Variants in ADAMTS12 observed in about 807,000 individuals in gnomAD.
ADAMTS12 encodes ADAM metallopeptidase with thrombospondin type 1 motif 12, also known as A disintegrin and metalloproteinase with thrombospondin motifs 12.
A neutral mutation model predicts 167.8 loss-of-function variants in ADAMTS12; 118 were observed. The observed-to-expected ratio is 0.70, with a 90% confidence interval of 0.61 to 0.82. The LOEUF (loss-of-function observed/expected upper bound fraction) is 0.82. Ranked by LOEUF, ADAMTS12 falls within the 40% of genes least tolerant of loss-of-function variation. ADAMTS12 has a pLI of 0.00. For missense variants in ADAMTS12, 1,916 were observed against 1,998.8 expected (o/e 0.96, Z 0.79); for synonymous variants, 704 against 716.9 (o/e 0.98, Z 0.29).
intron 12 of ADAMTS12, among the ~76,000 whole-genome samples, chr5:33,633,180 A>G (rs886816938): frequency 1.7e-5 from 1 of 60,548 alleles, no homozygotes; most frequent in Non-Finnish European, 4.6e-5. Flanking sequence ...TATAAGACAC[A>G]TATATTCCTT....
rs999618836 is a variant in ADAMTS12, at chr5:33,576,399, C to A, written c.3627G>T (p.Trp1209Cys). The change falls in exon 19 of 24, where the codon TGG becomes TGT. Residue 1209 changes from tryptophan to cysteine, a missense_variant. Transcript: ENST00000504830. ...PLTPDLSRES[W>C]WPPFSTVMEG... ...CCATTACTGTGCTGAAGGGTGGCCA[C>A]CAGGACTCCCTGCTGAGATCTGGTG... 6.2e-7 allele frequency: 1 copy of A among 1,613,868 alleles called. No homozygotes were observed. The highest frequency in any genetic ancestry group is 8.5e-7 in the Non-Finnish European group (1 of 1,179,924).
At chr5:33,706,590 T>A (rs779916963) in intron 3 of ADAMTS12, among the ~76,000 whole-genome samples, 10 of 152,282 alleles carry the variant, frequency 6.6e-5, no homozygotes, top group Non-Finnish European at 1.2e-4. Flanking sequence ...CACCGATGGG[T>A]CTTGACTCTT....
chr5:33,742,846 C>T (rs968371139), intron 3 of ADAMTS12, among the ~76,000 whole-genome samples: 9 of 152,108 alleles, frequency 5.9e-5, no homozygotes, highest in African/African-American at 1.7e-4. Flanking sequence ...AGAACAAAAG[C>T]GAGAAAGTAT....
chr5:33,814,769 C>T (rs942338060), intron 2 of ADAMTS12, among the ~76,000 whole-genome samples: 1 of 152,156 alleles, frequency 6.6e-6, no homozygotes, highest in Admixed American at 6.5e-5. Context: ...AATAACTTCA[C>T]GTCAACTGCG....
intron 18 of ADAMTS12, among the ~76,000 whole-genome samples, chr5:33,579,489 T>C (rs1746942661): frequency 6.6e-6 from 1 of 152,244 alleles, no homozygotes; most frequent in African/African-American, 2.4e-5. Flanking sequence ...TTGGTTTGTT[T>C]TGACTTGAAA....
intron 2 of ADAMTS12, among the ~76,000 whole-genome samples, chr5:33,850,796 G>C (rs1749194856): frequency 6.6e-6 from 1 of 152,126 alleles, no homozygotes; most frequent in Non-Finnish European, 1.5e-5. Context: ...CAAAGTAATA[G>C]ATCTAAAGAG....
At chr5:33,730,289 G>GGTGTGGGTGT (rs1554038435) in intron 3 of ADAMTS12, among the ~76,000 whole-genome samples, 1 of 144,154 alleles carries the variant, frequency 6.9e-6, no homozygotes, top group Non-Finnish European at 1.5e-5. Context: ...AGTCCATTAG[G>GGTGTGGGTGT]GTGTGTGTGT....
intron 2 of ADAMTS12, among the ~76,000 whole-genome samples, chr5:33,840,709 G>A (rs1182313780): frequency 6.6e-6 from 1 of 152,214 alleles, no homozygotes; most frequent in Admixed American, 6.5e-5. Context: ...CTTACTTACT[G>A]CAGCCCTTCT....
chr5:33,740,859 C>T lies in ADAMTS12; in HGVS notation c.634+10545G>A, dbSNP rs73759081. ...CCAACTCCAGAAGGCAGGATGTTGGCGAGAGGTGGACCGTGAGTGAGGCCA... is the reference window on the plus strand; with the variant it reads ...CCAACTCCAGAAGGCAGGATGTTGGTGAGAGGTGGACCGTGAGTGAGGCCA... On this transcript the variant is annotated intron_variant, in intron 3 of 23. Transcript: ENST00000504830. Among the ~76,000 whole-genome samples the T allele has an allele frequency of 6.3e-3, 960 of 152,288 alleles. 10 individuals are homozygous for T. Among genetic ancestry groups the T allele is most frequent in the African/African-American group, 0.022 (922 of 41,562 alleles).
intron 2 of ADAMTS12, among the ~76,000 whole-genome samples, chr5:33,872,097 C>A (rs867595263): frequency 6.6e-6 from 1 of 152,120 alleles, no homozygotes; most frequent in South Asian, 2.1e-4. Flanking sequence ...TCATCAGGCC[C>A]AGATAGGTTC....
chr5:33,778,561 A>G (rs1053180347), intron 2 of ADAMTS12, among the ~76,000 whole-genome samples: 9 of 150,528 alleles, frequency 6.0e-5, no homozygotes, highest in Non-Finnish European at 1.5e-5. Context: ...AACTAAAACT[A>G]CCAGAAGACA....
intron 23 of ADAMTS12, among the ~76,000 whole-genome samples, chr5:33,533,693 C>A (rs1284153370): frequency 6.6e-6 from 1 of 152,222 alleles, no homozygotes; most frequent in East Asian, 1.9e-4. Context: ...CATTTCCTCG[C>A]TCAGTGCATT....
intron 2 of ADAMTS12, among the ~76,000 whole-genome samples, chr5:33,807,480 T>C (rs1471104175): frequency 2.0e-5 from 3 of 152,228 alleles, no homozygotes; most frequent in African/African-American, 7.2e-5. Context: ...TTAGCGCCTA[T>C]ATCATTGGGT....
intron 2 of ADAMTS12, among the ~76,000 whole-genome samples, chr5:33,786,828 GA>G (rs1746345832): frequency 6.6e-6 from 1 of 152,194 alleles, no homozygotes; most frequent in Non-Finnish European, 1.5e-5. Flanking sequence ...GTCAGTGCCA[GA>G]CACTAGGGAT....
chr5:33,724,838 A>C (rs891374953), intron 3 of ADAMTS12, among the ~76,000 whole-genome samples: 6 of 152,190 alleles, frequency 3.9e-5, no homozygotes, highest in Middle Eastern at 3.2e-3. Context: ...GGCGTGAGCC[A>C]CCGCACCCGG....
intron 2 of ADAMTS12, among the ~76,000 whole-genome samples, chr5:33,802,568 T>C (rs1163426585): frequency 6.6e-6 from 1 of 152,224 alleles, no homozygotes; most frequent in Non-Finnish European, 1.5e-5. Context: ...ATCTTCCCCA[T>C]GACTCCCGTT....
intron 16 of ADAMTS12, among the ~76,000 whole-genome samples, chr5:33,612,528 T>C (rs1738779527): frequency 6.6e-6 from 1 of 152,214 alleles, no homozygotes; most frequent in African/African-American, 2.4e-5. Context: ...ACTGGCTGTT[T>C]CATTCCATGG....
chr5:33,690,471 A>G (rs987081677), intron 3 of ADAMTS12, among the ~76,000 whole-genome samples: 29 of 151,864 alleles, frequency 1.9e-4, no homozygotes, highest in African/African-American at 7.0e-4. Flanking sequence ...AAAAAAAAAA[A>G]GAAAGAAAGA....
At chr5:33,537,058 C>T (rs1744450640) in intron 22 of ADAMTS12, among the ~76,000 whole-genome samples, 1 of 152,194 alleles carries the variant, frequency 6.6e-6, no homozygotes, top group Non-Finnish European at 1.5e-5. Context: ...GCCACTGCTG[C>T]CTTGATCCAA....
Sources: gnomAD v4.1 joint callset for allele counts (sites outside exome capture counted in the v4.1 genomes callset) on GRCh38, gnomAD v4.1.1 for gene constraint, MANE v1.5 for transcripts, NCBI Gene and HGNC (gene_info 2026-07-23, HGNC 2026-07-21) for gene names.